The following OOSP4B variants were observed in gnomAD, a reference collection of about 807,000 sequenced individuals.
OOSP4B encodes the protein oocyte secreted protein family member 4B.
At chr11:60,018,897 C>T (rs1426500580) in intron 1 of OOSP4B, among the ~76,000 whole-genome samples, 5 of 152,090 alleles carry the variant, frequency 3.3e-5, no homozygotes, top group African/African-American at 4.8e-5. Context: ...TCTAGGGAAA[C>T]TTAGGGAGTA....
chr11:60,019,396 G>A lies in OOSP4B; in HGVS notation c.22+1983G>A, dbSNP rs1046941770. Reference sequence around the variant, plus strand: ...AGGTGTAGTGGTGCATGTGTGTCCGGAATTGGTGGGTTCTTGGTCTGACTT... The same window carrying A: ...AGGTGTAGTGGTGCATGTGTGTCCGAAATTGGTGGGTTCTTGGTCTGACTT... On this transcript the variant is annotated intron_variant, in intron 1 of 4. Transcript: ENST00000642343. The A allele has an allele frequency of 4.5e-5, 8 of 178,720 alleles. No homozygotes were observed. The South Asian group carries it at 1.4e-3, about 31-fold the overall frequency. The allele number at this position is 178,720 out of a possible 1,614,324, so 11.1% of individuals were successfully genotyped here.
chr11:60,029,556 G>A (rs1854783107), intron 3 of OOSP4B, among the ~76,000 whole-genome samples: 2 of 152,088 alleles, frequency 1.3e-5, no homozygotes, highest in South Asian at 4.1e-4. Flanking sequence ...TGACCCCGGA[G>A]CCTCAAAGTC....
At chr11:60,025,124 A>T in intron 3 of OOSP4B, 119 bp downstream of exon 3, 1 of 393,212 alleles carries the variant, frequency 2.5e-6, no homozygotes. Context: ...AAATTTCTAA[A>T]GTTTCTCTAA....
intron 3 of OOSP4B, among the ~76,000 whole-genome samples, chr11:60,028,813 CT>C (rs1334640869): frequency 3.9e-5 from 6 of 152,236 alleles, no homozygotes; most frequent in African/African-American, 1.4e-4. Context: ...GCATAGATGC[CT>C]TCTCCACGGT....
In OOSP4B at chr11:60,023,641, C is replaced by T. The variant is rs564558182; in HGVS notation, c.23-239C>T. ...GTAGAGATGGGTTTCACCATGTTGG[C>T]CAGGCTGGTCTTGAACTCCTGACCT... On this transcript the variant is annotated intron_variant, in intron 1 of 4. Transcript: ENST00000642343. 3.5e-3 allele frequency among the ~76,000 whole-genome samples: 535 copies of T among 152,230 alleles called. 1 individual carries two copies. The highest frequency in any genetic ancestry group is 0.012 in the African/African-American group (499 of 41,536).
intron 1 of OOSP4B, among the ~76,000 whole-genome samples, chr11:60,018,973 A>T (rs893737689): frequency 1.3e-5 from 2 of 151,992 alleles, no homozygotes; most frequent in African/African-American, 4.8e-5. Flanking sequence ...TCTCAGCACT[A>T]TGGGAAGCCG....
chr11:60,029,214 G>A (rs1223241462), intron 3 of OOSP4B, among the ~76,000 whole-genome samples: 1 of 152,140 alleles, frequency 6.6e-6, no homozygotes, highest in East Asian at 1.9e-4. Context: ...TTTGAGAGAC[G>A]AGCAAACCAC....
In OOSP4B at chr11:60,029,893, TA is replaced by T. The variant is rs1011716632; in HGVS notation, c.418del (p.Thr140HisfsTer32). 2 of 398,320 alleles carry T rather than the reference TA, an allele frequency of 5.0e-6. No homozygotes were observed. Among genetic ancestry groups the T allele is most frequent in the Non-Finnish European group, 8.9e-6 (2 of 225,944 alleles). The allele number at this position is 398,320 out of a possible 1,614,324, so 24.7% of individuals were successfully genotyped here. On this transcript the variant is annotated frameshift_variant, in exon 4 of 5. Coordinates refer to ENST00000642343, the Ensembl canonical transcript of OOSP4B. LOFTEE classifies it low-confidence loss of function (END_TRUNC). Reference sequence around the variant, plus strand: ...AAGAGTCACCAACTCCCACACAAAGTAAAACATGGACACTTAATTTTAACAG... The same window carrying T: ...AAGAGTCACCAACTCCCACACAAAGTAAACATGGACACTTAATTTTAACAG...
chr11:60,018,352 G>A (rs990372543), intron 1 of OOSP4B, among the ~76,000 whole-genome samples: 4 of 152,112 alleles, frequency 2.6e-5, no homozygotes, highest in Non-Finnish European at 5.9e-5. Context: ...TGTCACAACA[G>A]CGTTTGTCAC....
intron 1 of OOSP4B, 136 bp downstream of exon 1, chr11:60,017,549 G>C (rs1854640007): frequency 2.5e-6 from 1 of 394,220 alleles, no homozygotes; most frequent in African/African-American, 2.1e-5. Flanking sequence ...AAAAAGCTGA[G>C]ATTTTTTTTT....
At chr11:60,029,487 T>C (rs1013338516) in intron 3 of OOSP4B, among the ~76,000 whole-genome samples, 20 of 152,190 alleles carry the variant, frequency 1.3e-4, no homozygotes, top group African/African-American at 4.6e-4. Context: ...CATAGTCCAT[T>C]CAGCATAGAT....
In OOSP4B at chr11:60,020,683, A is replaced by C. The variant is rs541811253; in HGVS notation, c.23-3197A>C. 2.8e-3 allele frequency among the ~76,000 whole-genome samples: 422 copies of C among 152,336 alleles called. 1 individual carries two copies. Among genetic ancestry groups the C allele is most frequent in the African/African-American group, 9.9e-3 (410 of 41,590 alleles). On this transcript the variant is annotated intron_variant, in intron 1 of 4. Transcript: ENST00000642343. ...GGCTCCCACAGTGCAGCGGCGGGCT[A>C]AAGGGCTCCTCAAGCGGCCAGAGTG...
chr11:60,026,214 G>A (rs1029192577), intron 3 of OOSP4B, among the ~76,000 whole-genome samples: 9 of 152,144 alleles, frequency 5.9e-5, no homozygotes, highest in Admixed American at 2.6e-4. Flanking sequence ...CTGTTCTGTC[G>A]TAAAATTCCT....
Position 60,027,655 on chromosome 11 carries a change from T to TAAAAAAA in OOSP4B, c.303-2108_303-2102dup, listed in dbSNP as rs61649958. 1.3e-4 allele frequency among the ~76,000 whole-genome samples: 8 copies of TAAAAAAA among 62,234 alleles called. 1 individual carries two copies. The South Asian group carries it at 5.4e-3, about 42-fold the overall frequency. 40.8% of individuals were successfully genotyped at this position (62,234 alleles called of 152,430 possible). ...TCTAAGCAGGTAAAGGCTATGATAT[T>TAAAAAAA]AAAAAAAAAAAAAAAAAAAAAAAAA... On this transcript the variant is annotated intron_variant, in intron 3 of 4. Transcript: ENST00000642343.
At chr11:60,026,242 A>G (rs987630923) in intron 3 of OOSP4B, among the ~76,000 whole-genome samples, 1 of 151,944 alleles carries the variant, frequency 6.6e-6, no homozygotes, top group Admixed American at 6.5e-5. Context: ...GCCAAGTGTT[A>G]TTTTCTTCTA....
chr11:60,029,281 A>G (rs1170962400), intron 3 of OOSP4B, among the ~76,000 whole-genome samples: 2 of 152,150 alleles, frequency 1.3e-5, no homozygotes, highest in East Asian at 3.9e-4. Flanking sequence ...AAACACTACA[A>G]CTCCTAAGAT....
chr11:60,019,112 ACTC>A (rs1854657717), intron 1 of OOSP4B, among the ~76,000 whole-genome samples: 1 of 152,086 alleles, frequency 6.6e-6, no homozygotes, highest in East Asian at 1.9e-4. Context: ...AATCCCGACT[ACTC>A]AGGAGGCTGA....
chr11:60,029,995 G>A (rs688086), intron 4 of OOSP4B, 66 bp downstream of exon 4: 48,148 of 396,452 alleles, frequency 0.12, 3,275 homozygotes, highest in South Asian at 0.25. Context: ...TTCAAGGAAG[G>A]CAATGATGTA....
intron 4 of OOSP4B, 72 bp downstream of exon 4, chr11:60,030,001 A>G (rs984561843): frequency 7.1e-5 from 28 of 396,426 alleles, no homozygotes; most frequent in Non-Finnish European, 9.3e-5. Context: ...GAAGGCAATG[A>G]TGTAAATTCC....
Sources: allele counts gnomAD v4.1 joint callset (sites outside exome capture counted in the v4.1 genomes callset), GRCh38; gene constraint gnomAD v4.1.1; transcripts MANE v1.5; gene names NCBI Gene and HGNC (gene_info 2026-07-23, HGNC 2026-07-21).